Variants in FAAH2 observed in about 807,000 individuals in gnomAD.
The protein encoded by FAAH2 is fatty acid amide hydrolase 2.
Under a neutral mutation model 36.9 loss-of-function variants are expected in FAAH2, and 60 were observed. That is an observed-to-expected ratio of 1.63 (90% CI 1.32 to 2.02). The LOEUF (loss-of-function observed/expected upper bound fraction) is 2.02. Among genes scored for constraint, FAAH2 ranks in the 30% most tolerant of loss-of-function variants. FAAH2 has a pLI of 0.00. For synonymous variants in FAAH2, 214 were observed against 143.8 expected (o/e 1.49, Z -3.49); for missense variants, 689 against 397.5 (o/e 1.73, Z -6.23).
At chrX:57,435,826 A>C (rs1457101624) in intron 8 of FAAH2, among the ~76,000 whole-genome samples, 2 of 111,350 alleles carry the variant, frequency 1.8e-5, no homozygotes, top group Non-Finnish European at 3.8e-5. Flanking sequence ...ACTTATTTGG[A>C]CTTTAGGTGC....
intron 4 of FAAH2, among the ~76,000 whole-genome samples, chrX:57,333,403 G>T (rs1408572358): frequency 1.8e-5 from 2 of 111,440 alleles, no homozygotes; most frequent in African/African-American, 3.3e-5. Flanking sequence ...CAAAATCACA[G>T]TTTGAAAAGA....
chrX:57,229,061 G>A, the FAAH2 span: 1 of 108,890 alleles, frequency 9.2e-6, no homozygotes, highest in African/African-American at 3.4e-5. Context: ...TAAGATGACG[G>A]AAATTATTTC....
intron 10 of FAAH2, among the ~76,000 whole-genome samples, chrX:57,461,209 G>GTCC (rs2056952809): frequency 9.0e-6 from 1 of 110,642 alleles, no homozygotes; most frequent in African/African-American, 3.3e-5. Context: ...AATAGTGGGA[G>GTCC]ACTTTAACAC....
intron 5 of FAAH2, among the ~76,000 whole-genome samples, chrX:57,353,636 C>A (rs1378268362): frequency 1.8e-5 from 2 of 110,237 alleles, no homozygotes; most frequent in African/African-American, 6.5e-5. Flanking sequence ...AACCTTTTGC[C>A]TAGCAAAGAT....
At chrX:57,224,594 C>T in the FAAH2 span, among the ~76,000 whole-genome samples, 1 of 111,770 alleles carries the variant, frequency 8.9e-6, no homozygotes. Context: ...AAGGGCCGGC[C>T]AGAAGACACC....
intron 5 of FAAH2, among the ~76,000 whole-genome samples, chrX:57,350,173 A>C (rs751018210): frequency 2.7e-5 from 3 of 111,378 alleles, no homozygotes; most frequent in Admixed American, 9.6e-5. Flanking sequence ...GCCTTCATAA[A>C]TGAAGTATAA....
At chrX:57,285,484 C>T (rs944573957), upstream of FAAH2, among the ~76,000 whole-genome samples, 12 of 111,856 alleles carry the variant, frequency 1.1e-4, no homozygotes, top group Non-Finnish European at 1.9e-5. Flanking sequence ...AAACCTAACA[C>T]ATAACAGAGG....
At chrX:57,269,696 A>G in the FAAH2 span, among the ~76,000 whole-genome samples, 1 of 111,910 alleles carries the variant, frequency 8.9e-6, no homozygotes, top group Non-Finnish European at 1.9e-5. Flanking sequence ...AAAATACAAT[A>G]TACCAGAATC....
At chrX:57,353,932 A>G (rs2054095764) in intron 5 of FAAH2, among the ~76,000 whole-genome samples, 1 of 111,361 alleles carries the variant, frequency 9.0e-6, no homozygotes, top group Admixed American at 9.6e-5. Flanking sequence ...GGGCATTATT[A>G]CAAATACAGA....
intron 1 of FAAH2, among the ~76,000 whole-genome samples, chrX:57,289,256 G>A (rs1229782266): frequency 5.4e-5 from 6 of 111,226 alleles, no homozygotes; most frequent in Non-Finnish European, 9.4e-5. Flanking sequence ...TATGCTTCTT[G>A]ATAACGAGCT....
chrX:57,201,998 A>G, the FAAH2 span, among the ~76,000 whole-genome samples: 2 of 111,752 alleles, frequency 1.8e-5, no homozygotes, highest in Admixed American at 1.9e-4. Flanking sequence ...ACTTATTTAA[A>G]TCTCTTTGTT....
chrX:57,279,688 A>G, the FAAH2 span, among the ~76,000 whole-genome samples: 1 of 112,311 alleles, frequency 8.9e-6, no homozygotes, highest in Non-Finnish European at 1.9e-5. Flanking sequence ...TTGGTTCAAC[A>G]TATGCAAATC....
chrX:57,307,278 C>T (rs888229198), intron 2 of FAAH2, among the ~76,000 whole-genome samples: 4 of 108,146 alleles, frequency 3.7e-5, no homozygotes, highest in Non-Finnish European at 7.7e-5. Flanking sequence ...GTTCCCGGTA[C>T]TGTTGTAGTG....
At chrX:57,284,134 C>T (rs962072559), upstream of FAAH2, among the ~76,000 whole-genome samples, 3 of 112,160 alleles carry the variant, frequency 2.7e-5, no homozygotes. Flanking sequence ...GAGCTGCTTC[C>T]AGCCTGAGAA....
the FAAH2 span, among the ~76,000 whole-genome samples, chrX:57,233,035 G>A: frequency 1.8e-5 from 2 of 112,351 alleles, no homozygotes; most frequent in Admixed American, 9.4e-5. Flanking sequence ...AGAAAAGCTG[G>A]CAGATTTGTA....
the FAAH2 span, among the ~76,000 whole-genome samples, chrX:57,264,386 CTT>C: frequency 8.9e-6 from 1 of 112,482 alleles, no homozygotes; most frequent in Non-Finnish European, 1.9e-5. Flanking sequence ...TGAACAGACA[CTT>C]TTCAAAAGAA....
At chrX:57,172,286 G>T in the FAAH2 span, among the ~76,000 whole-genome samples, 3 of 111,517 alleles carry the variant, frequency 2.7e-5, no homozygotes, top group Admixed American at 9.5e-5. Context: ...AATTCTGTGA[G>T]AAATTGAGAT....
intron 8 of FAAH2, among the ~76,000 whole-genome samples, chrX:57,443,268 C>A (rs2056603215): frequency 8.9e-6 from 1 of 111,774 alleles, no homozygotes; most frequent in South Asian, 3.8e-4. Flanking sequence ...TAGATTTGGT[C>A]TTTTCACATA....
At chrX:57,201,890 AT>A in the FAAH2 span, among the ~76,000 whole-genome samples, 9 of 110,535 alleles carry the variant, frequency 8.1e-5, no homozygotes, top group African/African-American at 1.3e-4. Flanking sequence ...GCTTAGTAAT[AT>A]TTTTTTTCTG....
Sources: allele counts gnomAD v4.1 joint callset (sites outside exome capture counted in the v4.1 genomes callset), GRCh38; gene constraint gnomAD v4.1.1; transcripts MANE v1.5; gene names NCBI Gene and HGNC (gene_info 2026-07-23, HGNC 2026-07-21).